The following PCDHGB7 variants were observed in gnomAD, a reference collection of about 807,000 sequenced individuals.
The protein encoded by PCDHGB7 is protocadherin gamma-B7.
In PCDHGB7, 37 loss-of-function variants were observed where a neutral mutation model predicts 61.4. The ratio of observed to expected loss-of-function variants is 0.60; its 90% CI spans 0.46 to 0.79. The LOEUF (loss-of-function observed/expected upper bound fraction) is 0.79. Among genes scored for constraint, PCDHGB7 ranks in the 30% least tolerant of loss-of-function variants. The pLI, the probability that PCDHGB7 is intolerant of heterozygous loss-of-function variation, is 0.00. For missense variants in PCDHGB7, 1,166 were observed against 1,202.5 expected, an observed-to-expected ratio of 0.97 and a Z score of 0.45; for synonymous variants, 464 against 503.5, an observed-to-expected ratio of 0.92 and a Z score of 1.05.
Position 141,487,176 on chromosome 5 carries a change from A to G in PCDHGB7, c.2416-7631A>G. On this transcript the variant is annotated intron_variant, in intron 1 of 3. Coordinates refer to ENST00000398594, the MANE Select transcript of PCDHGB7 (RefSeq NM_018927.4). The surrounding 1 kb of genome is among the most constrained non-coding windows in gnomAD (Gnocchi z 5.0). ...ACTCTCTTAGTGTCCTTAGAGGAAGACACTCATCCAGTTGTCCCAGATCTT... is the reference window on the plus strand; with the variant it reads ...ACTCTCTTAGTGTCCTTAGAGGAAGGCACTCATCCAGTTGTCCCAGATCTT... 1 of 1,613,774 alleles carries G rather than the reference A, an allele frequency of 6.2e-7. No homozygotes were observed. The highest frequency in any genetic ancestry group is 8.5e-7 in the Non-Finnish European group (1 of 1,179,664).
intron 1 of PCDHGB7, chr5:141,478,831 G>C: frequency 7.0e-7 from 1 of 1,435,672 alleles, no homozygotes; most frequent in Non-Finnish European, 9.1e-7. Flanking sequence ...ATCTTGCTAA[G>C]GGATGGTTAA....
intron 1 of PCDHGB7, among the ~76,000 whole-genome samples, chr5:141,472,980 C>CAAAAAAAAAAAAAA (rs60579131): frequency 5.8e-5 from 5 of 86,102 alleles, no homozygotes; most frequent in Admixed American, 1.2e-4. Context: ...GAGTGAAACT[C>CAAAAAAAAAAAAAA]AAAAAAAAAA....
At chr5:141,447,284 C>A (rs979564320) in intron 1 of PCDHGB7, among the ~76,000 whole-genome samples, 1 of 152,124 alleles carries the variant, frequency 6.6e-6, no homozygotes, top group African/African-American at 2.4e-5. Context: ...GGACTACAGG[C>A]ACATGCCACC....
At chr5:141,467,736 G>T (rs1435480730) in intron 1 of PCDHGB7, among the ~76,000 whole-genome samples, 1 of 151,902 alleles carries the variant, frequency 6.6e-6, no homozygotes, top group Admixed American at 6.6e-5. Context: ...ATCCCAGCTC[G>T]CTGCAACCTC....
intron 3 of PCDHGB7, 94 bp downstream of exon 3, chr5:141,505,575 C>T: frequency 6.3e-7 from 1 of 1,592,302 alleles, no homozygotes. Context: ...GATGTCAAAC[C>T]TGTGTAGTTT....
intron 1 of PCDHGB7, among the ~76,000 whole-genome samples, chr5:141,456,379 C>A (rs181915740): frequency 1.3e-5 from 2 of 152,162 alleles, no homozygotes; most frequent in East Asian, 3.9e-4. Context: ...GTTTACAGCA[C>A]CGTTTGGAGT....
At chr5:141,454,019 A>G (rs905033407) in intron 1 of PCDHGB7, among the ~76,000 whole-genome samples, 1 of 152,262 alleles carries the variant, frequency 6.6e-6, no homozygotes, top group African/African-American at 2.4e-5. Flanking sequence ...AGAAAAATGT[A>G]TTAAGAATTG....
rs183831513 is a variant in PCDHGB7 at position 141,497,605 on chromosome 5, T to A, written c.2474+2740T>A. ...CCCAAGCTGGAGTGCAGTGGTGCGA[T>A]CTTGGCTCACTGCAACCTCTGCCTG... On this transcript the variant is annotated intron_variant, in intron 2 of 3. Coordinates refer to ENST00000398594, the MANE Select transcript of PCDHGB7 (RefSeq NM_018927.4). Among the ~76,000 whole-genome samples, 19 of 151,488 alleles carry A rather than the reference T, an allele frequency of 1.3e-4. No individual in the cohort carries two copies. In the East Asian group the frequency reaches 3.7e-3, roughly 29 times the overall value.
chr5:141,423,777 T>A, intron 1 of PCDHGB7: 1 of 1,159,844 alleles, frequency 8.6e-7, no homozygotes, highest in Non-Finnish European at 1.1e-6. Flanking sequence ...GGCATATATT[T>A]AGTTCATATA....
intron 3 of PCDHGB7, 90 bp from the exon 4 acceptor site, chr5:141,510,857 A>G (rs1184962556): frequency 6.2e-7 from 1 of 1,605,538 alleles, no homozygotes; most frequent in Non-Finnish European, 8.5e-7. Flanking sequence ...AGGGTGCTGT[A>G]TAGGCATTCA....
intron 1 of PCDHGB7, among the ~76,000 whole-genome samples, chr5:141,488,782 C>T (rs990081222): frequency 2.0e-5 from 3 of 152,178 alleles, no homozygotes; most frequent in Non-Finnish European, 1.5e-5. Flanking sequence ...TTTTGTATCA[C>T]TTTGTCTTCC....
Position 141,490,481 on chromosome 5 carries a change from G to A in PCDHGB7, c.2416-4326G>A, listed in dbSNP as rs771164683. 8.7e-6 allele frequency: 14 copies of A among 1,614,060 alleles called. No homozygotes were observed. The highest frequency in any genetic ancestry group is 4.0e-5 in the African/African-American group (3 of 74,928). ...CTGCTAACCAGCCAGCCTTTGGACCGGGAGGCCACATCCCACTATATCATC... is the reference window on the plus strand; with the variant it reads ...CTGCTAACCAGCCAGCCTTTGGACCAGGAGGCCACATCCCACTATATCATC... On this transcript the variant is annotated intron_variant, in intron 1 of 3. Transcript: ENST00000398594. The surrounding 1 kb of genome is among the most constrained non-coding windows in gnomAD (Gnocchi z 5.4).
chr5:141,502,825 G>A (rs1487995525), intron 2 of PCDHGB7, among the ~76,000 whole-genome samples: 4 of 151,216 alleles, frequency 2.6e-5, no homozygotes, highest in South Asian at 2.1e-4. Flanking sequence ...TTTCCTTGGG[G>A]AAGCCTGGAC....
intron 1 of PCDHGB7, among the ~76,000 whole-genome samples, chr5:141,451,493 T>C (rs1554137340): frequency 2.0e-5 from 3 of 152,230 alleles, no homozygotes; most frequent in Admixed American, 2.0e-4. Context: ...TGGACCTCCA[T>C]AGGGCAACCA....
chr5:141,476,697 C>T lies in PCDHGB7; in HGVS notation c.2416-18110C>T, dbSNP rs758302668. The T allele has an allele frequency of 2.5e-6, 4 of 1,614,110 alleles. No individual in the cohort carries two copies. The highest frequency in any genetic ancestry group is 2.2e-5 in the South Asian group (2 of 91,088). The stretch of plus-strand genomic sequence containing the variant: ...ACGCGGGAGGACAGCACCAAGTACG[C>T]GGAGCTGGTGTTGGAGCGCGCCCTG... On this transcript the variant is annotated intron_variant, in intron 1 of 3. Coordinates refer to ENST00000398594, the MANE Select transcript of PCDHGB7 (RefSeq NM_018927.4). The surrounding 1 kb of genome is among the most constrained non-coding windows in gnomAD (Gnocchi z 7.6).
In PCDHGB7 at chr5:141,491,762, C is replaced by T. The variant is rs1162878124; in HGVS notation, c.2416-3045C>T. The T allele has an allele frequency of 6.4e-7, 1 of 1,572,596 alleles. No homozygotes were observed. The highest frequency in any genetic ancestry group is 1.4e-5 in the African/African-American group (1 of 73,308). ...GGCGGCACTGGAGAAGCCGCCCGTC[C>T]TCATAAGGGATTGAACTTGCATCCA... On this transcript the variant is annotated intron_variant, in intron 1 of 3. Transcript: ENST00000398594. The surrounding 1 kb of genome is among the most constrained non-coding windows in gnomAD (Gnocchi z 6.9).
In PCDHGB7 at chr5:141,476,789, T is replaced by A. The variant is rs762462741; in HGVS notation, c.2416-18018T>A. On this transcript the variant is annotated intron_variant, in intron 1 of 3. Coordinates refer to ENST00000398594, the MANE Select transcript of PCDHGB7 (RefSeq NM_018927.4). The surrounding 1 kb of genome is among the most constrained non-coding windows in gnomAD (Gnocchi z 7.6). ...GTTGGACGGAGGGACCCCAGCTCTCTCCGCCAGCCTGCCTATTCACATCAA... is the reference window on the plus strand; with the variant it reads ...GTTGGACGGAGGGACCCCAGCTCTCACCGCCAGCCTGCCTATTCACATCAA... 1.3e-5 allele frequency: 21 copies of A among 1,613,374 alleles called. No individual in the cohort carries two copies. Among genetic ancestry groups the A allele is most frequent in the Non-Finnish European group, 1.7e-5 (20 of 1,180,016 alleles).
intron 1 of PCDHGB7, among the ~76,000 whole-genome samples, chr5:141,463,438 C>CTTTTTTTTTTTTT (rs71576115): frequency 9.7e-6 from 1 of 103,256 alleles, no homozygotes; most frequent in Non-Finnish European, 1.9e-5. Context: ...TTTCCTTCTC[C>CTTTTTTTTTTTTT]TTTTTTTTTT....
chr5:141,465,454 T>A (rs1031876441), intron 1 of PCDHGB7, among the ~76,000 whole-genome samples: 1 of 152,184 alleles, frequency 6.6e-6, no homozygotes, highest in Non-Finnish European at 1.5e-5. Flanking sequence ...AAGAAAACTC[T>A]CACCAAATTG....
Sources: gnomAD v4.1 joint callset for allele counts (sites outside exome capture counted in the v4.1 genomes callset) on GRCh38, gnomAD v4.1.1 for gene constraint, Gnocchi (gnomAD v3.1) non-coding constraint, MANE v1.5 for transcripts, NCBI Gene and HGNC (gene_info 2026-07-23, HGNC 2026-07-21) for gene names.